The following ZNF19 variants were observed in gnomAD, a reference collection of about 807,000 sequenced individuals.
The protein encoded by ZNF19 is zinc finger protein 19, also known as zinc finger protein 19 (KOX 12).
A neutral mutation model predicts 13.1 loss-of-function variants in ZNF19; 11 were observed. The ratio of observed to expected loss-of-function variants is 0.84; its 90% CI spans 0.53 to 1.39. The LOEUF (loss-of-function observed/expected upper bound fraction) is 1.39. Ranked by LOEUF, ZNF19 falls within the 40% of genes most tolerant of loss-of-function variation. ZNF19 has a pLI of 0.00. For synonymous variants in ZNF19, 186 were observed against 187.0 expected, an observed-to-expected ratio of 0.99 and a Z score of 0.04; for missense variants, 560 against 547.0, an observed-to-expected ratio of 1.02 and a Z score of -0.24.
intron 2 of ZNF19, among the ~76,000 whole-genome samples, chr16:71,484,034 C>A (rs1001118780): frequency 6.6e-6 from 1 of 152,170 alleles, no homozygotes; most frequent in South Asian, 2.1e-4. Flanking sequence ...ACTGTAGTAG[C>A]AGTCAAAGGA....
At chr16:71,476,318 T>C (rs1597013064) in intron 5 of ZNF19, 46 bp from the exon 6 acceptor site, 2 of 1,537,662 alleles carry the variant, frequency 1.3e-6, no homozygotes, top group South Asian at 1.3e-5. Flanking sequence ...CTGAGAACTA[T>C]ACTAGAAATA....
In ZNF19 at chr16:71,476,014, C is replaced by G; in HGVS notation, c.533G>C (p.Arg178Thr). The change falls in exon 6 of 6, where the codon AGA becomes ACA. Residue 178 changes from arginine (R) to threonine (T), a missense_variant. Transcript: ENST00000288177. ...KSFSYFSYYA[R>T]HQRIHTGEKP... The stretch of plus-strand genomic sequence containing the variant: ...CTCCCCAGTGTGGATTCTCTGGTGT[C>G]TAGCATAGTAAGAAAAGTAGCTGAA... 6.2e-7 allele frequency: 1 copy of G among 1,614,188 alleles called. No individual in the cohort carries two copies. Among genetic ancestry groups the G allele is most frequent in the South Asian group, 1.1e-5 (1 of 91,080 alleles).
chr16:71,484,143 G>T (rs1567571082), intron 2 of ZNF19, among the ~76,000 whole-genome samples: 1 of 152,196 alleles, frequency 6.6e-6, no homozygotes, highest in Non-Finnish European at 1.5e-5. Flanking sequence ...ACTAAGTCAC[G>T]GGCAGGTGGA....
intron 3 of ZNF19, among the ~76,000 whole-genome samples, chr16:71,479,756 GT>G (rs914714623): frequency 6.6e-6 from 1 of 150,840 alleles, no homozygotes; most frequent in Non-Finnish European, 1.5e-5. Flanking sequence ...TGCTTCTTGG[GT>G]TTTTTTTTCT....
rs998526456 is a variant in ZNF19 at position 71,474,375 on chromosome 16, A to G, written c.*795T>C. ...CAAATAAAAAACTGAATAAACAGAA[A>G]ATGAAAGCTTTAAGAGTGAAAGCTT... On this transcript the variant is annotated 3_prime_UTR_variant, in exon 6 of 6. Coordinates refer to ENST00000288177, the MANE Select transcript of ZNF19 (RefSeq NM_006961.4). 6.6e-6 allele frequency: 1 copy of G among 152,234 alleles called. No homozygotes were observed. The highest frequency in any genetic ancestry group is 2.4e-5 in the African/African-American group (1 of 41,468). The allele number at this position is 152,234 out of a possible 1,614,324, so 9.4% of individuals were successfully genotyped here. A position where few individuals can be genotyped will look rare whatever the true frequency, so the allele number is the denominator to read the frequency against.
intron 2 of ZNF19, among the ~76,000 whole-genome samples, chr16:71,483,152 T>C (rs1286724211): frequency 6.6e-6 from 1 of 152,256 alleles, no homozygotes; most frequent in African/African-American, 2.4e-5. Context: ...CTTCCTTTAC[T>C]TGGACCTGGA....
In ZNF19 at chr16:71,475,913, T is replaced by C; in HGVS notation, c.634A>G (p.Thr212Ala). 6.2e-7 allele frequency: 1 copy of C among 1,613,612 alleles called. No individual in the cohort carries two copies. Among genetic ancestry groups the C allele is most frequent in the Non-Finnish European group, 8.5e-7 (1 of 1,179,732 alleles). ...SSLIRHQRIHTGERPYQCEEC... is the reference protein window; with the variant it reads ...SSLIRHQRIHAGERPYQCEEC... ...TCACACTGATAGGGTCTCTCTCCAG[T>C]GTGAATCCTCTGGTGCCGAATTAAC... The change falls in exon 6 of 6, where the codon ACT becomes GCT. Residue 212 changes from threonine (T) to alanine (A), a missense_variant. Transcript: ENST00000288177.
chr16:71,478,578 C>T (rs947881261), intron 4 of ZNF19: 1 of 682,806 alleles, frequency 1.5e-6, no homozygotes, highest in Non-Finnish European at 2.7e-6. Context: ...GGGAAGGGGA[C>T]ATGCCCTTCC....
chr16:71,475,076 G>A lies in ZNF19; in HGVS notation c.*94C>T. ...ATCTGAATCATTAACTGTGGCTTGAGGGATGGATCAGAGGCTGAGTCAGGC... is the reference window on the plus strand; with the variant it reads ...ATCTGAATCATTAACTGTGGCTTGAAGGATGGATCAGAGGCTGAGTCAGGC... On this transcript the variant is annotated 3_prime_UTR_variant, in exon 6 of 6. Coordinates refer to ENST00000288177, the MANE Select transcript of ZNF19 (RefSeq NM_006961.4). 1 of 1,383,504 alleles carries A rather than the reference G, an allele frequency of 7.2e-7. No homozygotes were observed. The allele number at this position is 1,383,504 out of a possible 1,614,324, so 85.7% of individuals were successfully genotyped here.
At chr16:71,480,555 G>C (rs573004849) in intron 3 of ZNF19, among the ~76,000 whole-genome samples, 3 of 152,106 alleles carry the variant, frequency 2.0e-5, no homozygotes, top group Non-Finnish European at 4.4e-5. Context: ...TATTACCTAC[G>C]TTATTTCTGG....
Position 71,476,033 on chromosome 16 carries a change from A to G in ZNF19, c.514T>C (p.Tyr172His), listed in dbSNP as rs1166793114. 2 of 1,614,050 alleles carry G rather than the reference A, an allele frequency of 1.2e-6. No homozygotes were observed. Among genetic ancestry groups the G allele is most frequent in the East Asian group, 2.2e-5 (1 of 44,898 alleles). The change falls in exon 6 of 6, where the codon TAC becomes CAC. Residue 172 changes from tyrosine to histidine, a missense_variant. By Grantham distance (83) the Tyr-to-His change is moderately conservative. Transcript: ENST00000288177. Reference sequence around the variant, plus strand: ...TGGTGTCTAGCATAGTAAGAAAAGTAGCTGAAGGATTTCCCACACTCCTCA... The same window carrying G: ...TGGTGTCTAGCATAGTAAGAAAAGTGGCTGAAGGATTTCCCACACTCCTCA... ...ICEECGKSFSYFSYYARHQRI... is the reference protein window; with the variant it reads ...ICEECGKSFSHFSYYARHQRI...
chr16:71,481,570 C>T (rs1757249759), intron 3 of ZNF19, among the ~76,000 whole-genome samples: 1 of 152,144 alleles, frequency 6.6e-6, no homozygotes, highest in Admixed American at 6.5e-5. Flanking sequence ...CTATCACAGC[C>T]CATTGCCTCA....
Position 71,473,724 on chromosome 16 carries a change from A to G in ZNF19, c.*1446T>C, listed in dbSNP as rs955258640. ...CCCAGCTTCCTGAGCAGCTGGGACT[A>G]CAGGCATGCACCACCACGCCCAGCT... On this transcript the variant is annotated 3_prime_UTR_variant, in exon 6 of 6. Transcript: ENST00000288177. The G allele has an allele frequency of 6.6e-6, 1 of 152,212 alleles. No individual in the cohort carries two copies. Among genetic ancestry groups the G allele is most frequent in the Non-Finnish European group, 1.5e-5 (1 of 68,080 alleles). The allele number at this position is 152,212 out of a possible 1,614,324, so 9.4% of individuals were successfully genotyped here. A position where few individuals can be genotyped will look rare whatever the true frequency, so the allele number is the denominator to read the frequency against.
chr16:71,474,673 T>G lies in ZNF19; in HGVS notation c.*497A>C, dbSNP rs2043587848. On this transcript the variant is annotated 3_prime_UTR_variant, in exon 6 of 6. Transcript: ENST00000288177. ...CATCAGGTATGTTATCCCTGAAAAC[T>G]TCAAACAACTGCTACAATGACAACA... The G allele has an allele frequency of 6.3e-6, 1 of 157,628 alleles. No homozygotes were observed. The highest frequency in any genetic ancestry group is 1.4e-5 in the Non-Finnish European group (1 of 71,502). The allele number at this position is 157,628 out of a possible 1,614,324, so 9.8% of individuals were successfully genotyped here.
Position 71,475,387 on chromosome 16 carries a change from C to T in ZNF19, c.1160G>A (p.Cys387Tyr). ...RIHTQESSYVCDECGKALTSK... is the reference protein window; with the variant it reads ...RIHTQESSYVYDECGKALTSK... ...AGTCAAGGCTTTTCCACACTCATCA[C>T]ATACATAGGAAGACTCCTGAGTATG... Residue 387 changes from cysteine to tyrosine, a missense_variant, in exon 6 of 6, where the codon TGT (cysteine) becomes TAT (tyrosine). Coordinates refer to ENST00000288177, the MANE Select transcript of ZNF19 (RefSeq NM_006961.4). The T allele has an allele frequency of 6.2e-7, 1 of 1,614,116 alleles. No individual in the cohort carries two copies. Among genetic ancestry groups the T allele is most frequent in the Non-Finnish European group, 8.5e-7 (1 of 1,180,026 alleles).
In ZNF19 at chr16:71,482,161, G is replaced by A. The variant is rs144962141; in HGVS notation, c.-29-18C>T. 9,377 of 1,612,796 alleles carry A rather than the reference G, an allele frequency of 5.8e-3. 40 individuals are homozygous for A. Among genetic ancestry groups the A allele is most frequent in the Non-Finnish European group, 7.4e-3 (8,785 of 1,179,380 alleles). ...GGCAAAGGCTGAGGGAAGAAACAGAGAGAACCAACAGTGAGCTCAGCCCAG... is the reference window on the plus strand; with the variant it reads ...GGCAAAGGCTGAGGGAAGAAACAGAAAGAACCAACAGTGAGCTCAGCCCAG... On this transcript the variant is annotated intron_variant, in intron 2 of 5. Coordinates refer to ENST00000288177, the MANE Select transcript of ZNF19 (RefSeq NM_006961.4).
chr16:71,478,570 G>A (rs543881079), intron 4 of ZNF19: 1 of 689,436 alleles, frequency 1.5e-6, no homozygotes, highest in African/African-American at 1.8e-5. Context: ...CAAACACAGG[G>A]AAGGGGACAT....
rs187539025 is a variant in ZNF19, at chr16:71,487,937, A to C, written c.-190+1335T>G. On this transcript the variant is annotated intron_variant, in intron 1 of 5. Coordinates refer to ENST00000288177, the MANE Select transcript of ZNF19 (RefSeq NM_006961.4). The stretch of plus-strand genomic sequence containing the variant: ...TTATTCTCTCCTTGCAGCTGCAAAC[A>C]TACTTAATGATGAAAGACAGAATGT... 3.8e-4 allele frequency among the ~76,000 whole-genome samples: 58 copies of C among 152,342 alleles called. No homozygotes were observed. The Middle Eastern group carries it at 0.037, about 98-fold the overall frequency.
At chr16:71,476,781 CAGAG>C (rs2043605573) in intron 5 of ZNF19, among the ~76,000 whole-genome samples, 1 of 152,212 alleles carries the variant, frequency 6.6e-6, no homozygotes, top group South Asian at 2.1e-4. Flanking sequence ...TGTGGCAAGA[CAGAG>C]AGAAAGAAAA....
Sources: allele counts gnomAD v4.1 joint callset (sites outside exome capture counted in the v4.1 genomes callset), GRCh38; gene constraint gnomAD v4.1.1; transcripts MANE v1.5; gene names NCBI Gene and HGNC (gene_info 2026-07-23, HGNC 2026-07-21).